SSBP3: variants seen among roughly 807,000 people sequenced by gnomAD.
The protein encoded by SSBP3 is single-stranded DNA-binding protein 3.
Under a neutral mutation model 69.6 loss-of-function variants are expected in SSBP3, and 5 were observed. The observed-to-expected ratio is 0.07, with a 90% CI of 0.04 to 0.15. The LOEUF (loss-of-function observed/expected upper bound fraction) is 0.15, where lower values mean the gene tolerates loss of function less well. Among genes scored for constraint, SSBP3 ranks in the 10% least tolerant of loss-of-function variants. The probability of loss-of-function intolerance (pLI) is 1.00; values close to 1 mark genes in which losing one functional copy is unlikely to be tolerated. For synonymous variants in SSBP3, 196 were observed against 193.4 expected (o/e 1.01, Z -0.11); for missense variants, 312 against 534.0 (o/e 0.58, Z 4.10).
chr1:54,240,876 C>A, intron 13 of SSBP3, 29 bp downstream of exon 13: 1 of 1,612,758 alleles, frequency 6.2e-7, no homozygotes, highest in South Asian at 1.1e-5. Flanking sequence ...CACCACCAGA[C>A]CCCCCACTTT....
chr1:54,358,829 G>A (rs1471526395), intron 4 of SSBP3, among the ~76,000 whole-genome samples: 21 of 152,200 alleles, frequency 1.4e-4, no homozygotes, highest in Admixed American at 1.4e-3. Flanking sequence ...TTTAGGTAAG[G>A]TTGGGGATTA....
chr1:54,406,926 G>C (rs1174759778), upstream of SSBP3, among the ~76,000 whole-genome samples: 3 of 138,490 alleles, frequency 2.2e-5, no homozygotes, highest in Non-Finnish European at 3.1e-5. Flanking sequence ...CTCCGACCCC[G>C]ACCCCCTCCC....
chr1:54,308,982 G>A (rs955687473), intron 4 of SSBP3, among the ~76,000 whole-genome samples: 4 of 151,998 alleles, frequency 2.6e-5, no homozygotes, highest in Admixed American at 2.6e-4. Flanking sequence ...AGGGACAAGA[G>A]ACAAAAAGAT....
chr1:54,227,932 C>T (rs1213137143), intron 17 of SSBP3, among the ~76,000 whole-genome samples: 1 of 152,180 alleles, frequency 6.6e-6, no homozygotes, highest in Non-Finnish European at 1.5e-5. Context: ...CGAACCTTTC[C>T]CCACTGGACA....
chr1:54,233,571 C>A (rs1220280931), intron 14 of SSBP3, among the ~76,000 whole-genome samples: 1 of 143,376 alleles, frequency 7.0e-6, no homozygotes, highest in African/African-American at 2.6e-5. Context: ...CCAGCCGCCC[C>A]GTCGGGGAGG....
At chr1:54,228,410 C>A in intron 16 of SSBP3, 39 bp downstream of exon 16, 1 of 1,614,216 alleles carries the variant, frequency 6.2e-7, no homozygotes, top group East Asian at 2.2e-5. Flanking sequence ...CCTGCCCACA[C>A]AGATGGGGCG....
chr1:54,327,479 T>C (rs907382699), intron 4 of SSBP3, among the ~76,000 whole-genome samples: 5 of 152,152 alleles, frequency 3.3e-5, no homozygotes, highest in African/African-American at 1.2e-4. Context: ...CACTCTGTAA[T>C]GTGCTGACCT....
chr1:54,251,510 C>T, intron 9 of SSBP3, 106 bp downstream of exon 9: 1 of 1,238,714 alleles, frequency 8.1e-7, no homozygotes, highest in Non-Finnish European at 1.1e-6. Context: ...TCCTCTCACC[C>T]CTGCGAACTG....
At chr1:54,396,175 G>C (rs1256535362) in intron 4 of SSBP3, among the ~76,000 whole-genome samples, 4 of 108,602 alleles carry the variant, frequency 3.7e-5, no homozygotes, top group Admixed American at 2.2e-4. Context: ...CTGGGTGACA[G>C]AGTGAGACTC....
chr1:54,257,310 G>C (rs2100744721), intron 6 of SSBP3, 124 bp from the exon 7 acceptor site: 1 of 815,200 alleles, frequency 1.2e-6, no homozygotes, highest in African/African-American at 1.8e-5. Context: ...TCTTTCTCCT[G>C]CTAGCCTCTT....
chr1:54,265,788 TG>T (rs1197225340), intron 5 of SSBP3, among the ~76,000 whole-genome samples: 1 of 152,204 alleles, frequency 6.6e-6, no homozygotes, highest in African/African-American at 2.4e-5. Flanking sequence ...AATGGTTCAT[TG>T]ATTTCCGTGT....
At chr1:54,334,124 C>T (rs1327244540) in intron 4 of SSBP3, among the ~76,000 whole-genome samples, 3 of 152,002 alleles carry the variant, frequency 2.0e-5, no homozygotes, top group Admixed American at 6.6e-5. Context: ...GAGGCCGAGG[C>T]GGGCGGATCA....
intron 5 of SSBP3, among the ~76,000 whole-genome samples, chr1:54,269,757 T>C (rs2100811829): frequency 6.6e-6 from 1 of 152,344 alleles, no homozygotes; most frequent in South Asian, 2.1e-4. Context: ...CCAGCAGCTC[T>C]GGTGCTTGCC....
intron 17 of SSBP3, 75 bp downstream of exon 17, chr1:54,228,180 C>T (rs1570172481): frequency 7.3e-7 from 1 of 1,374,152 alleles, no homozygotes; most frequent in Admixed American, 1.7e-5. Context: ...CAGCCCGGCT[C>T]CGTAGCTCGC....
At chr1:54,358,489 T>C (rs959815666) in intron 4 of SSBP3, among the ~76,000 whole-genome samples, 1 of 152,180 alleles carries the variant, frequency 6.6e-6, no homozygotes, top group Admixed American at 6.6e-5. Context: ...ACTGCTAAAC[T>C]ACAGACCATT....
At chr1:54,233,270 CGA>C (rs2100577462) in intron 14 of SSBP3, among the ~76,000 whole-genome samples, 3 of 150,034 alleles carry the variant, frequency 2.0e-5, no homozygotes, top group Non-Finnish European at 3.0e-5. Flanking sequence ...TGCCCGGCCG[CGA>C]CCCCATCTGG....
At chr1:54,239,045 T>TA in intron 14 of SSBP3, 84 bp downstream of exon 14, 1 of 1,209,578 alleles carries the variant, frequency 8.3e-7, no homozygotes, top group Non-Finnish European at 1.2e-6. Flanking sequence ...TGAAATCAAT[T>TA]AAACTTGCTT....
intron 4 of SSBP3, among the ~76,000 whole-genome samples, chr1:54,287,986 C>T (rs12095389): frequency 0.013 from 2,009 of 152,212 alleles, 38 homozygotes; most frequent in African/African-American, 0.046. Flanking sequence ...TTCAAATAGT[C>T]AGGGGGCCAT....
chr1:54,294,498 C>CT (rs1645670281), intron 4 of SSBP3, among the ~76,000 whole-genome samples: 1 of 152,176 alleles, frequency 6.6e-6, no homozygotes, highest in African/African-American at 2.4e-5. Flanking sequence ...CAGCTAGTGT[C>CT]TGGGGAAAGC....
Sources: gnomAD v4.1 joint callset for allele counts (sites outside exome capture counted in the v4.1 genomes callset) on GRCh38, gnomAD v4.1.1 for gene constraint, MANE v1.5 for transcripts, NCBI Gene and HGNC (gene_info 2026-07-23, HGNC 2026-07-21) for gene names.